The following SMARCC1 variants were observed in gnomAD, a reference collection of about 807,000 sequenced individuals.
SMARCC1 encodes SWI/SNF related BAF chromatin remodeling complex subunit C1.
Under a neutral mutation model 147.4 loss-of-function variants are expected in SMARCC1, and 43 were observed. The ratio of observed to expected loss-of-function variants is 0.29; its 90% CI spans 0.23 to 0.38. The LOEUF is 0.38. SMARCC1 is among the 10% of genes least tolerant of loss of function. The pLI is 1.00. For missense variants in SMARCC1, 1,119 were observed against 1,381.1 expected, an observed-to-expected ratio of 0.81 and a Z score of 3.01; for synonymous variants, 495 against 484.4, an observed-to-expected ratio of 1.02 and a Z score of -0.29.
chr3:47,772,674 A>G (rs895459195), intron 2 of SMARCC1, 143 bp downstream of exon 2: 21 of 668,476 alleles, frequency 3.1e-5, no homozygotes, highest in Non-Finnish European at 4.9e-5. Flanking sequence ...AAAAATAGTA[A>G]TATTCTATAA....
chr3:47,608,981 C>T (rs1266342740), intron 26 of SMARCC1, among the ~76,000 whole-genome samples: 1 of 151,178 alleles, frequency 6.6e-6, no homozygotes, highest in Non-Finnish European at 1.5e-5. Context: ...GGTGTACAAT[C>T]AGGCACAGCC....
chr3:47,757,558 T>C (rs1326548845), intron 2 of SMARCC1, among the ~76,000 whole-genome samples: 1 of 151,888 alleles, frequency 6.6e-6, no homozygotes, highest in Non-Finnish European at 1.5e-5. Flanking sequence ...AGGTGGATCA[T>C]GAGGTCAGGA....
In SMARCC1 at chr3:47,588,287, C is replaced by A; in HGVS notation, c.3240G>T (p.Gln1080His). ...PNGMYPPPPQ[Q>H]QPPPPPPADG... ...CTGCAGGTGGTGGTGGCGGTGGCTG[C>A]TGCTGTGGTGGAGGGGGATCTGCAA... is the stretch of plus-strand genomic sequence containing the variant. Residue 1080 changes from glutamine to histidine, a missense_variant, in exon 28 of 28, where the codon CAG becomes CAT. Gln to His is a conservative substitution (Grantham distance 24). Around this residue, in one of 6 missense-constraint regions of SMARCC1, gnomAD observed 186 missense variants for 216.5 expected, o/e 0.86. Coordinates refer to ENST00000254480, the MANE Select transcript of SMARCC1 (RefSeq NM_003074.4). The A allele has an allele frequency of 6.2e-7, 1 of 1,613,830 alleles. No homozygotes were observed. The highest frequency in any genetic ancestry group is 1.1e-5 in the South Asian group (1 of 91,066).
chr3:47,736,610 G>T (rs948544083), intron 4 of SMARCC1, among the ~76,000 whole-genome samples: 4 of 151,716 alleles, frequency 2.6e-5, no homozygotes, highest in Non-Finnish European at 4.4e-5. Flanking sequence ...CGGGAGGTTG[G>T]AGCTTGCAGT....
At chr3:47,685,049 C>T (rs2033703215) in intron 14 of SMARCC1, among the ~76,000 whole-genome samples, 1 of 152,140 alleles carries the variant, frequency 6.6e-6, no homozygotes, top group African/African-American at 2.4e-5. Flanking sequence ...AAACATTCAC[C>T]TTTTCACTTA....
chr3:47,735,997 C>A, intron 5 of SMARCC1, 37 bp downstream of exon 5: 2 of 922,822 alleles, frequency 2.2e-6, no homozygotes, highest in South Asian at 1.8e-5. Context: ...ATGAAGTGAT[C>A]GTGTCTATTA....
At chr3:47,731,891 G>A (rs1244343496) in intron 5 of SMARCC1, among the ~76,000 whole-genome samples, 1 of 152,170 alleles carries the variant, frequency 6.6e-6, no homozygotes, top group Admixed American at 6.6e-5. Context: ...TGTCAGAATG[G>A]CAAACGACCA....
In SMARCC1 at chr3:47,662,596, A is replaced by C. The variant is rs2033361264; in HGVS notation, c.1900-4T>G. The C allele has an allele frequency of 6.2e-7, 1 of 1,612,238 alleles. No individual in the cohort carries two copies. The highest frequency in any genetic ancestry group is 8.5e-7 in the Non-Finnish European group (1 of 1,178,798). ...CATCCTTGTACATCTCCAGGGCCTA[A>C]GACAGAAAAAACAGATGCTTTCATG... On this transcript the variant is annotated splice_region_variant and splice_polypyrimidine_tract_variant and intron_variant, in intron 19 of 27. Transcript: ENST00000254480.
At chr3:47,766,053 A>C (rs1420416801) in intron 2 of SMARCC1, among the ~76,000 whole-genome samples, 1 of 152,022 alleles carries the variant, frequency 6.6e-6, no homozygotes, top group Non-Finnish European at 1.5e-5. Flanking sequence ...TTTTAAGTGC[A>C]ATGACAGGTT....
chr3:47,701,198 C>A, intron 11 of SMARCC1, 80 bp downstream of exon 11: 1 of 1,231,904 alleles, frequency 8.1e-7, no homozygotes, highest in Non-Finnish European at 1.2e-6. Context: ...TGTGGACCCA[C>A]AGCAAGCAAT....
chr3:47,704,279 T>G (rs1169891341), intron 10 of SMARCC1, among the ~76,000 whole-genome samples: 1 of 152,052 alleles, frequency 6.6e-6, no homozygotes, highest in Admixed American at 6.6e-5. Flanking sequence ...GAAACAAAAG[T>G]TGGGAAAACA....
At position 47,650,323 on chromosome 3, in the gene SMARCC1, G is replaced by T. The variant is rs1489050112; in HGVS notation, c.2320+10971C>A. On this transcript the variant is annotated intron_variant, in intron 21 of 27. Transcript: ENST00000254480. ...AATTATTATTATTATTATTATTCAAGAAAAAAATAAAAACATTTCTTTAGA... is the reference window on the plus strand; with the variant it reads ...AATTATTATTATTATTATTATTCAATAAAAAAATAAAAACATTTCTTTAGA... 2.1e-5 allele frequency among the ~76,000 whole-genome samples: 3 copies of T among 141,884 alleles called. No homozygotes were observed. In the South Asian group the frequency reaches 6.6e-4, roughly 31 times the overall value. 93.1% of individuals were successfully genotyped at this position (141,884 alleles called of 152,430 possible). A position where few individuals can be genotyped will look rare whatever the true frequency, so the allele number is the denominator to read the frequency against.
At position 47,644,164 on chromosome 3, in the gene SMARCC1, A is replaced by AG. The variant is rs2033088835; in HGVS notation, c.2321-5385dup. ...CACTGCACTCCAGCCTGGGTGACAG[A>AG]GGGAGACCTTGTCTCTAAACAAATA... On this transcript the variant is annotated intron_variant, in intron 21 of 27. Coordinates refer to ENST00000254480, the MANE Select transcript of SMARCC1 (RefSeq NM_003074.4). 2.0e-5 allele frequency among the ~76,000 whole-genome samples: 3 copies of AG among 152,302 alleles called. No homozygotes were observed. The South Asian group carries it at 6.2e-4, about 32-fold the overall frequency.
At chr3:47,650,230 C>G (rs1257990096) in intron 21 of SMARCC1, among the ~76,000 whole-genome samples, 1 of 150,358 alleles carries the variant, frequency 6.7e-6, no homozygotes, top group Non-Finnish European at 1.5e-5. Context: ...GAGCGGAGAT[C>G]GTGCAACTGC....
intron 14 of SMARCC1, among the ~76,000 whole-genome samples, chr3:47,682,159 G>C (rs1380770722): frequency 1.3e-5 from 2 of 151,858 alleles, no homozygotes; most frequent in African/African-American, 4.8e-5. Flanking sequence ...GCCGGGCATG[G>C]TGTTGGGTGC....
rs891575329 is a variant in SMARCC1 at position 47,630,880 on chromosome 3, T to C, written c.2646+4310A>G. On this transcript the variant is annotated intron_variant, in intron 24 of 27. Coordinates refer to ENST00000254480, the MANE Select transcript of SMARCC1 (RefSeq NM_003074.4). ...GAGTTTGAGACCAGCCTGGGCAATA[T>C]AGGGAGACCCCGTCTCTACAAAAAA... Among the ~76,000 whole-genome samples the C allele has an allele frequency of 7.9e-5, 12 of 152,092 alleles. No homozygotes were observed. In the East Asian group the frequency reaches 1.7e-3, roughly 22 times the overall value.
intron 3 of SMARCC1, among the ~76,000 whole-genome samples, chr3:47,740,211 T>TTTTTTTTTTTTTTC (rs2034493767): frequency 1.3e-5 from 1 of 78,028 alleles, no homozygotes; most frequent in African/African-American, 5.2e-5. Flanking sequence ...TTTTTTTTTT[T>TTTTTTTTTTTTTTC]AAAAGACAGA....
In SMARCC1 at chr3:47,587,914, C is replaced by A; in HGVS notation, c.*295G>T. The A allele has an allele frequency of 2.6e-6, 1 of 391,342 alleles. No homozygotes were observed. The allele number at this position is 391,342 out of a possible 1,614,324, so 24.2% of individuals were successfully genotyped here. A position where few individuals can be genotyped will look rare whatever the true frequency, so the allele number is the denominator to read the frequency against. Reference sequence around the variant, plus strand: ...ACATAGCATGCTAAAGTTGACAGGACCTGCAGAGAAACTGTCAGCTTACTC... The same window carrying A: ...ACATAGCATGCTAAAGTTGACAGGAACTGCAGAGAAACTGTCAGCTTACTC... On this transcript the variant is annotated 3_prime_UTR_variant, in exon 28 of 28. Transcript: ENST00000254480.
chr3:47,736,041 C>A lies in SMARCC1; in HGVS notation c.569G>T (p.Arg190Leu). The A allele has an allele frequency of 6.5e-7, 1 of 1,528,572 alleles. No homozygotes were observed. The highest frequency in any genetic ancestry group is 1.2e-5 in the South Asian group (1 of 85,880). 94.7% of individuals were successfully genotyped at this position (1,528,572 alleles called of 1,614,324 possible). The change falls in exon 5 of 28, where the codon CGA becomes CTA. Residue 190 changes from arginine to leucine, a missense_variant. Physicochemically the swap from Arg to Leu is moderately radical, Grantham distance 102. Coordinates refer to ENST00000254480, the MANE Select transcript of SMARCC1 (RefSeq NM_003074.4). The stretch of plus-strand genomic sequence containing the variant: ...AGTGATTGTGTCTATTACCTGATGT[C>A]GTTTGATGATATCTTTCAATTTGTT... Reference protein sequence around the residue: ...LANKLKDIIKRHQGTFTDEKS... With the variant: ...LANKLKDIIKLHQGTFTDEKS...
Sources: gnomAD v4.1 joint callset for allele counts (sites outside exome capture counted in the v4.1 genomes callset) on GRCh38, gnomAD v4.1.1 for gene constraint, gnomAD v4.1.1 regional missense constraint, MANE v1.5 for transcripts, NCBI Gene and HGNC (gene_info 2026-07-23, HGNC 2026-07-21) for gene names.